Variants in GPHN observed in about 807,000 individuals in gnomAD.
GPHN encodes gephyrin.
GPHN carries 17 observed loss-of-function variants against 95.5 expected under a neutral mutation model. That is an observed-to-expected ratio of 0.18 (90% CI 0.12 to 0.27). GPHN has a LOEUF of 0.27. Ranked by LOEUF, GPHN falls within the 10% of genes least tolerant of loss-of-function variation. The pLI, the probability that GPHN is intolerant of heterozygous loss-of-function variation, is 1.00. For missense variants in GPHN, 660 were observed against 978.1 expected (o/e 0.67, Z 4.34); for synonymous variants, 320 against 322.5 (o/e 0.99, Z 0.08).
intron 1 of GPHN, among the ~76,000 whole-genome samples, chr14:66,607,864 GT>G (rs1033691071): frequency 6.6e-6 from 1 of 151,830 alleles, no homozygotes; most frequent in African/African-American, 2.4e-5. Context: ...ATTTCTGTTT[GT>G]GCTTATTTGG....
At chr14:67,037,278 T>G (rs553962138) in intron 10 of GPHN, among the ~76,000 whole-genome samples, 1 of 151,964 alleles carries the variant, frequency 6.6e-6, no homozygotes, top group Non-Finnish European at 1.5e-5. Flanking sequence ...TGCACAAAAA[T>G]TACCTCAAAA....
chr14:67,309,350 T>TAAGG, the GPHN span, among the ~76,000 whole-genome samples: 1 of 152,204 alleles, frequency 6.6e-6, no homozygotes, highest in African/African-American at 2.4e-5. Flanking sequence ...TACCCAGACT[T>TAAGG]TAACTCATTC....
At chr14:66,981,465 C>T (rs576733304) in intron 9 of GPHN, among the ~76,000 whole-genome samples, 1 of 151,836 alleles carries the variant, frequency 6.6e-6, no homozygotes, top group African/African-American at 2.4e-5. Flanking sequence ...TTAAGCAAAA[C>T]TTTAAAAAAA....
At chr14:66,737,632 T>TG (rs1483676957) in intron 2 of GPHN, among the ~76,000 whole-genome samples, 7 of 152,182 alleles carry the variant, frequency 4.6e-5, no homozygotes, top group Non-Finnish European at 8.8e-5. Context: ...ACTGGGCTCT[T>TG]TAATACCAAG....
At chr14:66,554,735 A>G (rs1272287573) in intron 1 of GPHN, among the ~76,000 whole-genome samples, 3 of 152,206 alleles carry the variant, frequency 2.0e-5, no homozygotes, top group Non-Finnish European at 2.9e-5. Flanking sequence ...TCAGGGAATC[A>G]TAGACTTTTA....
intron 8 of GPHN, among the ~76,000 whole-genome samples, chr14:66,951,600 A>T (rs901017776): frequency 6.6e-6 from 1 of 152,154 alleles, no homozygotes; most frequent in African/African-American, 2.4e-5. Flanking sequence ...GGGCAAAAAA[A>T]CAACCAAAAT....
At chr14:67,308,122 A>C in the GPHN span, among the ~76,000 whole-genome samples, 2 of 152,138 alleles carry the variant, frequency 1.3e-5, no homozygotes, top group Admixed American at 1.3e-4. Context: ...AAAAGTAACT[A>C]ATGGGTACTA....
the GPHN span, among the ~76,000 whole-genome samples, chr14:67,496,421 T>TTTTA: frequency 8.5e-6 from 1 of 117,430 alleles, no homozygotes; most frequent in African/African-American, 3.5e-5. Context: ...TTTTTTTTTT[T>TTTTA]GAGACAGGGT....
the GPHN span, chr14:67,690,088 C>T: frequency 1.3e-6 from 1 of 763,012 alleles, no homozygotes; most frequent in Non-Finnish European, 2.2e-6. Context: ...TAAAACTGTA[C>T]CCAATTATAG....
intron 2 of GPHN, among the ~76,000 whole-genome samples, chr14:66,729,803 G>T (rs993859939): frequency 6.6e-6 from 1 of 152,198 alleles, no homozygotes; most frequent in South Asian, 2.1e-4. Context: ...TATGACTTTT[G>T]TGGGCACTGA....
the GPHN span, chr14:67,228,667 A>T: frequency 6.6e-6 from 1 of 152,260 alleles, no homozygotes; most frequent in African/African-American, 2.4e-5. Context: ...TCATAAACTC[A>T]GTTTTTATGG....
intron 1 of GPHN, among the ~76,000 whole-genome samples, chr14:66,566,512 A>AT (rs2060468803): frequency 6.6e-6 from 1 of 151,312 alleles, no homozygotes; most frequent in Non-Finnish European, 1.5e-5. Context: ...TATTGTCTAC[A>AT]TTTTTTGTAG....
At chr14:67,724,447 G>T in the GPHN span, 2 of 1,373,750 alleles carry the variant, frequency 1.5e-6, no homozygotes, top group Non-Finnish European at 2.1e-6. Flanking sequence ...GATGGTACGT[G>T]ATGCTCTTGT....
chr14:67,637,312 G>A, the GPHN span, among the ~76,000 whole-genome samples: 3 of 151,158 alleles, frequency 2.0e-5, no homozygotes, highest in South Asian at 4.2e-4. Flanking sequence ...TGGGGAGGCT[G>A]AGGCAGCAGA....
At chr14:66,592,494 A>C (rs35269005) in intron 1 of GPHN, among the ~76,000 whole-genome samples, 1 of 151,724 alleles carries the variant, frequency 6.6e-6, no homozygotes, top group Non-Finnish European at 1.5e-5. Context: ...TGGGCGAAGG[A>C]TAGAACAGAT....
chr14:66,946,952 C>G (rs1481968300), intron 8 of GPHN, among the ~76,000 whole-genome samples: 3 of 152,244 alleles, frequency 2.0e-5, no homozygotes, highest in Non-Finnish European at 2.9e-5. Flanking sequence ...CCTTGCCTCC[C>G]TTCAATTCAG....
chr14:66,802,314 A>G (rs551805433), intron 3 of GPHN, among the ~76,000 whole-genome samples: 76 of 152,144 alleles, frequency 5.0e-4, no homozygotes, highest in Middle Eastern at 3.4e-3. Flanking sequence ...AGGCTCTTCT[A>G]TCAGTCTGTG....
At chr14:66,633,582 A>G (rs2063941536) in intron 1 of GPHN, among the ~76,000 whole-genome samples, 1 of 151,364 alleles carries the variant, frequency 6.6e-6, no homozygotes, top group Admixed American at 6.6e-5. Flanking sequence ...AATTTTATAC[A>G]TTCTCAGTTT....
chr14:67,049,517 C>A (rs2075201754), intron 10 of GPHN, among the ~76,000 whole-genome samples: 2 of 140,366 alleles, frequency 1.4e-5, no homozygotes, highest in Non-Finnish European at 3.1e-5. Flanking sequence ...TCTGTGACAA[C>A]TTTTTTTTTT....
Sources: allele counts gnomAD v4.1 joint callset (sites outside exome capture counted in the v4.1 genomes callset), GRCh38; gene constraint gnomAD v4.1.1; transcripts MANE v1.5; gene names NCBI Gene and HGNC (gene_info 2026-07-23, HGNC 2026-07-21).